The following HTR1F variants were observed in gnomAD, a reference collection of about 807,000 sequenced individuals.
The protein encoded by HTR1F is 5-hydroxytryptamine receptor 1F.
HTR1F carries 17 observed loss-of-function variants against 24.0 expected under a neutral mutation model. The observed-to-expected ratio is 0.71, with a 90% CI of 0.48 to 1.06. The LOEUF (loss-of-function observed/expected upper bound fraction) is 1.06. Ranked by LOEUF, HTR1F falls within the 50% of genes least tolerant of loss-of-function variation. The pLI is 0.00. For missense variants in HTR1F, 391 were observed against 427.8 expected (o/e 0.91, Z 0.76); for synonymous variants, 186 against 156.8 (o/e 1.19, Z -1.39).
chr3:87,905,081 G>A (rs1309941736), intron 2 of HTR1F, among the ~76,000 whole-genome samples: 3 of 152,004 alleles, frequency 2.0e-5, no homozygotes, highest in African/African-American at 4.8e-5. Flanking sequence ...GCTGAGGTGG[G>A]AGGATAGCTT....
chr3:87,887,829 G>A (rs1705987395), intron 2 of HTR1F, among the ~76,000 whole-genome samples: 1 of 152,212 alleles, frequency 6.6e-6, no homozygotes, highest in Admixed American at 6.5e-5. Flanking sequence ...AACAGATGCT[G>A]GAGAGGATGT....
intron 2 of HTR1F, among the ~76,000 whole-genome samples, chr3:87,872,362 CAAGT>C (rs978263759): frequency 1.3e-5 from 2 of 151,704 alleles, no homozygotes; most frequent in African/African-American, 4.8e-5. Context: ...TGTTACTATG[CAAGT>C]AAGAAGAAAA....
Position 87,915,647 on chromosome 3 carries a change from A to G in HTR1F, c.-42-75061A>G, listed in dbSNP as rs374559481. ...AAGGCCTTTGAATTAAACCAATCCA[A>G]CAAAGACAAAGAAAAAAGAATGAGA... On this transcript the variant is annotated intron_variant, in intron 2 of 2. Transcript: ENST00000319595. 9.8e-5 allele frequency among the ~76,000 whole-genome samples: 15 copies of G among 152,292 alleles called. No individual in the cohort carries two copies. The East Asian group carries it at 2.3e-3, about 24-fold the overall frequency.
At chr3:87,892,591 A>T (rs192895711) in intron 2 of HTR1F, among the ~76,000 whole-genome samples, 1 of 152,290 alleles carries the variant, frequency 6.6e-6, no homozygotes, top group East Asian at 1.9e-4. Flanking sequence ...CAACATCTAT[A>T]AAGCTACCCA....
chr3:87,979,787 T>C (rs548445671), intron 2 of HTR1F, among the ~76,000 whole-genome samples: 68 of 152,280 alleles, frequency 4.5e-4, no homozygotes, highest in Non-Finnish European at 7.9e-4. Context: ...TTACTGCACA[T>C]AGCCAGGCGC....
intron 2 of HTR1F, among the ~76,000 whole-genome samples, chr3:87,881,006 G>T (rs1705781752): frequency 6.6e-6 from 1 of 152,188 alleles, no homozygotes; most frequent in Non-Finnish European, 1.5e-5. Context: ...TTCCCAGTGT[G>T]AGCGACACAG....
intron 1 of HTR1F, among the ~76,000 whole-genome samples, 41 bp from the exon 2 acceptor site, chr3:87,821,967 A>T (rs1704368393): frequency 6.6e-6 from 1 of 152,184 alleles, no homozygotes; most frequent in African/African-American, 2.4e-5. Context: ...TTTCAGGAGA[A>T]GAGACAAGAA....
chr3:87,851,111 C>CTGGG (rs1189493159), intron 2 of HTR1F, among the ~76,000 whole-genome samples: 4 of 151,674 alleles, frequency 2.6e-5, no homozygotes, highest in African/African-American at 9.7e-5. Flanking sequence ...GTTAACAAGC[C>CTGGG]TGGGTGCATC....
intron 1 of HTR1F, among the ~76,000 whole-genome samples, chr3:87,808,712 T>C (rs903423751): frequency 1.3e-5 from 2 of 151,964 alleles, no homozygotes; most frequent in African/African-American, 4.8e-5. Context: ...AAATTGTCTA[T>C]TTGAAATCTT....
intron 2 of HTR1F, among the ~76,000 whole-genome samples, chr3:87,962,927 T>C (rs1705092085): frequency 6.6e-6 from 1 of 152,032 alleles, no homozygotes; most frequent in Non-Finnish European, 1.5e-5. Context: ...TAATAGACAA[T>C]AAATACCATT....
chr3:87,797,262 A>G (rs1436005260), intron 1 of HTR1F, among the ~76,000 whole-genome samples: 2 of 152,206 alleles, frequency 1.3e-5, no homozygotes, highest in East Asian at 3.8e-4. Context: ...GGTTTCAGGC[A>G]TTCACTGGGG....
intron 2 of HTR1F, among the ~76,000 whole-genome samples, chr3:87,971,248 T>C (rs1705279402): frequency 6.6e-6 from 1 of 152,150 alleles, no homozygotes; most frequent in South Asian, 2.1e-4. Context: ...ATTTGATTGG[T>C]TCGTTTCAGT....
In HTR1F at chr3:87,884,421, C is replaced by T. The variant is rs531140992; in HGVS notation, c.-43+62297C>T. Among the ~76,000 whole-genome samples, 220 of 152,236 alleles carry T rather than the reference C, an allele frequency of 1.4e-3. 1 individual carries two copies. Among genetic ancestry groups the T allele is most frequent in the African/African-American group, 5.1e-3 (211 of 41,554 alleles). On this transcript the variant is annotated intron_variant, in intron 2 of 2. Coordinates refer to ENST00000319595, the MANE Select transcript of HTR1F (RefSeq NM_001322209.2). ...TGCCAAATTGTAAAGACCATCAATG[C>T]TAGGAAGGAACTGCATCAACTAATG...
At chr3:87,820,609 T>C (rs928857755) in intron 1 of HTR1F, among the ~76,000 whole-genome samples, 2 of 152,184 alleles carry the variant, frequency 1.3e-5, no homozygotes, top group African/African-American at 4.8e-5. Flanking sequence ...AATTATTCAA[T>C]AGCACTTCAT....
chr3:87,989,158 A>C (rs1057207591), intron 2 of HTR1F, among the ~76,000 whole-genome samples: 7 of 152,202 alleles, frequency 4.6e-5, no homozygotes, highest in Non-Finnish European at 7.3e-5. Flanking sequence ...TTTATCAAAG[A>C]TATTAATTCT....
At chr3:87,903,727 G>T (rs1045017829) in intron 2 of HTR1F, among the ~76,000 whole-genome samples, 1 of 152,050 alleles carries the variant, frequency 6.6e-6, no homozygotes, top group African/African-American at 2.4e-5. Flanking sequence ...TGATTCCTCA[G>T]GGATCTAGAA....
chr3:87,886,688 C>A (rs553760307), intron 2 of HTR1F, among the ~76,000 whole-genome samples: 1 of 151,962 alleles, frequency 6.6e-6, no homozygotes, highest in African/African-American at 2.4e-5. Flanking sequence ...CATTCGTCTA[C>A]ACCAATAAAA....
Position 87,953,529 on chromosome 3 carries a change from CA to C in HTR1F, c.-42-37169del, listed in dbSNP as rs143677828. ...GTTAGAATGGCTATTACCAAAAGGACAAAAAAAAAATGCCAGCAAGGATGCA... is the reference window on the plus strand; with the variant it reads ...GTTAGAATGGCTATTACCAAAAGGACAAAAAAAAATGCCAGCAAGGATGCA... On this transcript the variant is annotated intron_variant, in intron 2 of 2. Coordinates refer to ENST00000319595, the MANE Select transcript of HTR1F (RefSeq NM_001322209.2). 1.4e-3 allele frequency among the ~76,000 whole-genome samples: 204 copies of C among 143,014 alleles called. 1 individual carries two copies. The highest frequency in any genetic ancestry group is 4.7e-3 in the African/African-American group (183 of 39,124). 93.8% of individuals were successfully genotyped at this position (143,014 alleles called of 152,430 possible). A position where few individuals can be genotyped will look rare whatever the true frequency, so the allele number is the denominator to read the frequency against.
intron 2 of HTR1F, among the ~76,000 whole-genome samples, chr3:87,932,177 G>C (rs560538763): frequency 5.9e-5 from 9 of 152,156 alleles, no homozygotes; most frequent in Admixed American, 6.5e-5. Flanking sequence ...TATGGTTTTA[G>C]GTCTAACATT....
Sources: gnomAD v4.1 joint callset for allele counts (sites outside exome capture counted in the v4.1 genomes callset) on GRCh38, gnomAD v4.1.1 for gene constraint, MANE v1.5 for transcripts, NCBI Gene and HGNC (gene_info 2026-07-23, HGNC 2026-07-21) for gene names.